RPS6KA2: variants seen among roughly 807,000 people sequenced by gnomAD.
RPS6KA2 encodes ribosomal protein S6 kinase A2, also known as ribosomal protein S6 kinase alpha-2.
In RPS6KA2, 42 loss-of-function variants were observed where a neutral mutation model predicts 91.8. The observed-to-expected ratio is 0.46, with a 90% CI of 0.36 to 0.59. RPS6KA2 has a LOEUF of 0.59. Among genes scored for constraint, RPS6KA2 ranks in the 20% least tolerant of loss-of-function variants. The pLI is 0.00. For missense variants in RPS6KA2, 798 were observed against 978.5 expected, an observed-to-expected ratio of 0.82 and a Z score of 2.46; for synonymous variants, 414 against 393.6, an observed-to-expected ratio of 1.05 and a Z score of -0.61.
intron 2 of RPS6KA2, among the ~76,000 whole-genome samples, chr6:166,771,097 T>C (rs1269887410): frequency 6.6e-6 from 1 of 152,222 alleles, no homozygotes; most frequent in Non-Finnish European, 1.5e-5. Context: ...GGAAGCCCTT[T>C]AGTGAAAGCC....
chr6:166,576,020 C>T (rs1300229457), intron 1 of RPS6KA2, among the ~76,000 whole-genome samples: 1 of 152,130 alleles, frequency 6.6e-6, no homozygotes, highest in African/African-American at 2.4e-5. Flanking sequence ...GAGGTGGTTT[C>T]CCCCTTGCTA....
At chr6:166,729,085 C>T (rs1307353261) in intron 2 of RPS6KA2, among the ~76,000 whole-genome samples, 2 of 152,214 alleles carry the variant, frequency 1.3e-5, no homozygotes, top group Non-Finnish European at 2.9e-5. Context: ...CATGCTCTTC[C>T]CTCTCATCGC....
chr6:166,427,313 G>A (rs1019622320), intron 16 of RPS6KA2, among the ~76,000 whole-genome samples: 17 of 152,142 alleles, frequency 1.1e-4, no homozygotes, highest in African/African-American at 4.1e-4. Flanking sequence ...AAAATAATAA[G>A]AGCTATCGAT....
chr6:166,731,266 C>G (rs981382832), intron 2 of RPS6KA2, among the ~76,000 whole-genome samples: 2 of 122,104 alleles, frequency 1.6e-5, no homozygotes, highest in Admixed American at 8.0e-5. Flanking sequence ...AAGAAAAAAG[C>G]CATCCAAAGT....
At chr6:166,623,809 T>G (rs981879020) in intron 1 of RPS6KA2, among the ~76,000 whole-genome samples, 1 of 152,194 alleles carries the variant, frequency 6.6e-6, no homozygotes, top group African/African-American at 2.4e-5. Flanking sequence ...ACCCCCAAAA[T>G]TATAGTTGCC....
chr6:166,791,859 C>T lies in RPS6KA2; in HGVS notation c.123+66341G>A, dbSNP rs531891889. ...CATACCAGAATCTCTGGGACACATTCAAAGCAGTGTGTAGAGGGAAATTTA... is the reference window on the plus strand; with the variant it reads ...CATACCAGAATCTCTGGGACACATTTAAAGCAGTGTGTAGAGGGAAATTTA... On this transcript the variant is annotated intron_variant, in intron 2 of 21. Transcript: ENST00000503859. Among the ~76,000 whole-genome samples the T allele has an allele frequency of 5.6e-3, 835 of 149,766 alleles. 13 individuals are homozygous for T. The highest frequency in any genetic ancestry group is 0.02 in the African/African-American group (793 of 39,230).
intron 17 of RPS6KA2, 55 bp from the exon 18 acceptor site, chr6:166,420,013 A>G: frequency 1.3e-6 from 2 of 1,531,228 alleles, no homozygotes; most frequent in Non-Finnish European, 1.8e-6. Context: ...ATTCAGATTG[A>G]CAGCACGTTT....
At chr6:166,431,684 T>C (rs1274596187) in intron 15 of RPS6KA2, among the ~76,000 whole-genome samples, 1 of 152,142 alleles carries the variant, frequency 6.6e-6, no homozygotes, top group African/African-American at 2.4e-5. Flanking sequence ...TGGTGTAATC[T>C]CGGTTCAGTG....
chr6:166,473,595 A>C (rs1241802440), intron 10 of RPS6KA2, among the ~76,000 whole-genome samples: 1 of 152,244 alleles, frequency 6.6e-6, no homozygotes, highest in Non-Finnish European at 1.5e-5. Flanking sequence ...TCAGCAGGTG[A>C]TTCCCAAAGG....
At chr6:166,501,048 G>A in intron 6 of RPS6KA2, 124 bp from the exon 7 acceptor site, 2 of 800,024 alleles carry the variant, frequency 2.5e-6, no homozygotes, top group South Asian at 1.6e-5. Flanking sequence ...CCCTGATGGA[G>A]CTGGCCCAGG....
intron 1 of RPS6KA2, among the ~76,000 whole-genome samples, chr6:166,574,871 A>G (rs1784793247): frequency 6.6e-6 from 1 of 152,236 alleles, no homozygotes; most frequent in Non-Finnish European, 1.5e-5. Flanking sequence ...TATATAAATG[A>G]AACTTGTATT....
chr6:166,710,736 G>C (rs373829939), intron 2 of RPS6KA2, among the ~76,000 whole-genome samples: 1 of 152,298 alleles, frequency 6.6e-6, no homozygotes, highest in South Asian at 2.1e-4. Flanking sequence ...GACAGGAGGA[G>C]AGAAGAAGTC....
rs757595105 is a variant in RPS6KA2, at chr6:166,702,062, G to GC, written c.123+156137dup. ...CATAATCTCCAGAATAGACTTACAA[G>GC]CCGCAGAGGTGCCTTCAGGAGTAGA... On this transcript the variant is annotated intron_variant, in intron 2 of 21. Transcript: ENST00000503859. The GC allele has an allele frequency of 1.9e-4, 229 of 1,210,264 alleles. 1 individual carries two copies. The highest frequency in any genetic ancestry group is 1.0e-4 in the Admixed American group (6 of 59,524). The allele number at this position is 1,210,264 out of a possible 1,614,324, so 75.0% of individuals were successfully genotyped here.
intron 3 of RPS6KA2, among the ~76,000 whole-genome samples, chr6:166,529,059 TC>T (rs1298875088): frequency 1.3e-5 from 2 of 152,196 alleles, no homozygotes; most frequent in Non-Finnish European, 2.9e-5. Context: ...GACCCAGCCA[TC>T]CCATTACTGG....
intron 1 of RPS6KA2, among the ~76,000 whole-genome samples, chr6:166,621,659 TA>T (rs1786640399): frequency 6.6e-6 from 1 of 152,238 alleles, no homozygotes; most frequent in Non-Finnish European, 1.5e-5. Flanking sequence ...GCTTATTTAA[TA>T]AGCACAGATC....
intron 10 of RPS6KA2, 118 bp from the exon 11 acceptor site, chr6:166,470,023 C>T (rs1243761411): frequency 1.1e-6 from 1 of 900,584 alleles, no homozygotes; most frequent in Non-Finnish European, 1.8e-6. Context: ...GGAAGGAGCC[C>T]AGAGGCTGCT....
At chr6:166,745,183 C>T (rs1790958784) in intron 2 of RPS6KA2, among the ~76,000 whole-genome samples, 1 of 132,544 alleles carries the variant, frequency 7.5e-6, no homozygotes, top group Non-Finnish European at 1.6e-5. Flanking sequence ...GAGAGTTTTG[C>T]CCTTGTTGCC....
At chr6:166,718,062 A>G (rs1446392421) in intron 2 of RPS6KA2, among the ~76,000 whole-genome samples, 1 of 152,078 alleles carries the variant, frequency 6.6e-6, no homozygotes, top group Admixed American at 6.5e-5. Context: ...TGGCCAGGCT[A>G]GCCTCAAACT....
At chr6:166,700,950 C>T (rs1277338744) in intron 2 of RPS6KA2, 1 of 677,448 alleles carries the variant, frequency 1.5e-6, no homozygotes, top group East Asian at 2.5e-5. Context: ...GACAGGAGTT[C>T]AAAAGTTGCC....
Sources: allele counts gnomAD v4.1 joint callset (sites outside exome capture counted in the v4.1 genomes callset), GRCh38; gene constraint gnomAD v4.1.1; transcripts MANE v1.5; gene names NCBI Gene and HGNC (gene_info 2026-07-23, HGNC 2026-07-21).